JAKMIP3: variants seen among roughly 807,000 people sequenced by gnomAD.
The protein encoded by JAKMIP3 is janus kinase and microtubule-interacting protein 3.
JAKMIP3 carries 58 observed loss-of-function variants against 118.5 expected under a neutral mutation model. The ratio of observed to expected loss-of-function variants is 0.49; its 90% CI spans 0.40 to 0.61. The LOEUF is 0.61. Among genes scored for constraint, JAKMIP3 ranks in the 20% least tolerant of loss-of-function variants. JAKMIP3 has a pLI of 0.00. For synonymous variants in JAKMIP3, 486 were observed against 451.2 expected, an observed-to-expected ratio of 1.08 and a Z score of -0.98; for missense variants, 950 against 1,109.0, an observed-to-expected ratio of 0.86 and a Z score of 2.04.
intron 11 of JAKMIP3, chr10:132,144,050 C>G (rs1019916121): frequency 2.2e-4 from 32 of 148,288 alleles, no homozygotes; most frequent in Admixed American, 2.1e-3. Flanking sequence ...GCCCACCCCC[C>G]ACCCCGGCTG....
chr10:132,110,671 G>A (rs570924437), intron 2 of JAKMIP3, among the ~76,000 whole-genome samples: 2 of 152,356 alleles, frequency 1.3e-5, no homozygotes, highest in South Asian at 2.1e-4. Flanking sequence ...ATCGATCACT[G>A]AGGAAGACTT....
At chr10:132,073,280 G>C (rs1399364835) in intron 1 of JAKMIP3, among the ~76,000 whole-genome samples, 1 of 152,150 alleles carries the variant, frequency 6.6e-6, no homozygotes, top group Admixed American at 6.5e-5. Flanking sequence ...CTGCCTCCCA[G>C]GTTCATGCCA....
chr10:132,165,910 G>T (rs1442245995), intron 21 of JAKMIP3, among the ~76,000 whole-genome samples: 1 of 152,260 alleles, frequency 6.6e-6, no homozygotes, highest in Non-Finnish European at 1.5e-5. Flanking sequence ...ACCCGGCCTT[G>T]CCGGGAGGGG....
upstream of JAKMIP3, among the ~76,000 whole-genome samples, chr10:132,036,574 G>A (rs1279157211): frequency 6.6e-6 from 1 of 151,732 alleles, no homozygotes; most frequent in East Asian, 1.9e-4. Context: ...CCGTCGCCGA[G>A]CAAGGAGCGC....
rs2133803248 is a variant in JAKMIP3, at chr10:132,049,590, T to C, written c.-138+12852T>C. Among the ~76,000 whole-genome samples, 1 of 152,260 alleles carries C rather than the reference T, an allele frequency of 6.6e-6. No individual in the cohort carries two copies. The highest frequency in any genetic ancestry group is 1.5e-5 in the Non-Finnish European group (1 of 68,024). ...TAAATCGGGGTGTTTTTCCATATCC[T>C]TGAATGCTGTTTGCGTGTGCCCGGT... On this transcript the variant is annotated intron_variant, in intron 1 of 23. Coordinates refer to the JAKMIP3 transcript ENST00000657785. This position sits in a 1 kb window ranked among gnomAD's most constrained non-coding sequence, Gnocchi z 4.3.
chr10:132,054,983 G>A (rs552068008), intron 1 of JAKMIP3, among the ~76,000 whole-genome samples: 9 of 151,806 alleles, frequency 5.9e-5, no homozygotes, highest in South Asian at 4.2e-4. Flanking sequence ...AGGACCCTCC[G>A]CTTGGGGATA....
intron 3 of JAKMIP3, among the ~76,000 whole-genome samples, chr10:132,124,549 C>T (rs556583484): frequency 1.5e-4 from 22 of 149,650 alleles, no homozygotes; most frequent in African/African-American, 3.4e-4. Context: ...GCTGGCCAGC[C>T]GCATCGCACA....
chr10:132,156,123 C>T (rs377515565), intron 19 of JAKMIP3, among the ~76,000 whole-genome samples: 2 of 152,200 alleles, frequency 1.3e-5, no homozygotes, highest in Non-Finnish European at 1.5e-5. Flanking sequence ...CCTCTGCCCG[C>T]GCCTTCTGGG....
chr10:132,066,361 C>T (rs533582576), intron 1 of JAKMIP3, among the ~76,000 whole-genome samples: 1 of 152,290 alleles, frequency 6.6e-6, no homozygotes, highest in Middle Eastern at 3.4e-3. Context: ...ATATGTAAAG[C>T]GGATGCTTGT....
rs571889727 is a variant in JAKMIP3 at position 132,069,401 on chromosome 10, G to A, written c.-138+3340G>A. On this transcript the variant is annotated intron_variant, in intron 1 of 23. Coordinates refer to ENST00000684848, the MANE Select transcript of JAKMIP3 (RefSeq NM_001323087.2). ...GAGATCCAGTACTATCCTGATGGTG[G>A]TGGGGTGGGTCTGAGCAGGAAGGGG... 2.6e-5 allele frequency among the ~76,000 whole-genome samples: 4 copies of A among 152,298 alleles called. No homozygotes were observed. The South Asian group carries it at 8.3e-4, about 32-fold the overall frequency.
intron 19 of JAKMIP3, among the ~76,000 whole-genome samples, chr10:132,158,987 G>T (rs2057431106): frequency 4.6e-5 from 3 of 64,770 alleles, no homozygotes; most frequent in Admixed American, 2.1e-4. Context: ...ATCTCTCGCT[G>T]TGTGATGCTG....
At chr10:132,131,952 A>G (rs530890576) in intron 3 of JAKMIP3, among the ~76,000 whole-genome samples, 1 of 152,296 alleles carries the variant, frequency 6.6e-6, no homozygotes, top group East Asian at 1.9e-4. Flanking sequence ...GCCCACCGTG[A>G]GCAAGGTGGG....
chr10:132,087,908 C>T (rs565618756), intron 1 of JAKMIP3, among the ~76,000 whole-genome samples: 178 of 152,112 alleles, frequency 1.2e-3, no homozygotes, highest in African/African-American at 4.1e-3. Flanking sequence ...CTTCCTGTGT[C>T]CATGTGTTCT....
At chr10:132,171,579 C>T (rs1230207548) in intron 23 of JAKMIP3, among the ~76,000 whole-genome samples, 1 of 152,074 alleles carries the variant, frequency 6.6e-6, no homozygotes, top group Non-Finnish European at 1.5e-5. Context: ...CTTAAAGTTG[C>T]ACAAATTGTG....
intron 16 of JAKMIP3, among the ~76,000 whole-genome samples, chr10:132,150,704 A>G (rs779191672): frequency 2.0e-5 from 3 of 151,670 alleles, no homozygotes; most frequent in Non-Finnish European, 4.4e-5. Context: ...TCCATAATCC[A>G]TCTATCCGTC....
At chr10:132,145,220 G>A (rs2054362035) in intron 12 of JAKMIP3, 30 bp downstream of exon 12, 1 of 1,554,852 alleles carries the variant, frequency 6.4e-7, no homozygotes, top group Non-Finnish European at 8.8e-7. Context: ...CACGGGCGTG[G>A]GGGCACACGT....
intron 19 of JAKMIP3, among the ~76,000 whole-genome samples, chr10:132,154,489 C>T (rs1355066557): frequency 2.6e-5 from 4 of 152,208 alleles, no homozygotes; most frequent in African/African-American, 7.2e-5. Flanking sequence ...CTGGGTTCCC[C>T]GCTGGGAGCT....
Position 132,183,419 on chromosome 10 carries a change from G to C in JAKMIP3, c.*2166G>C, listed in dbSNP as rs2061632380. Reference sequence around the variant, plus strand: ...ATTCACATCCCTCATGTTTATTTGGGTCATCATGGTTTAGCATGTTGTATA... The same window carrying C: ...ATTCACATCCCTCATGTTTATTTGGCTCATCATGGTTTAGCATGTTGTATA... On this transcript the variant is annotated 3_prime_UTR_variant, in exon 24 of 24. Transcript: ENST00000684848. 6.6e-6 allele frequency: 1 copy of C among 152,304 alleles called. No homozygotes were observed. The highest frequency in any genetic ancestry group is 1.9e-4 in the East Asian group (1 of 5,192). The allele number at this position is 152,304 out of a possible 1,614,324, so 9.4% of individuals were successfully genotyped here.
chr10:132,162,164 G>C (rs2058421767), intron 19 of JAKMIP3, among the ~76,000 whole-genome samples: 1 of 152,196 alleles, frequency 6.6e-6, no homozygotes, highest in Non-Finnish European at 1.5e-5. Context: ...GGAATGACTG[G>C]TTCCTCCTGG....
Sources: allele counts gnomAD v4.1 joint callset (sites outside exome capture counted in the v4.1 genomes callset), GRCh38; gene constraint gnomAD v4.1.1; non-coding constraint Gnocchi (gnomAD v3.1); transcripts MANE v1.5; gene names NCBI Gene and HGNC (gene_info 2026-07-23, HGNC 2026-07-21).